The following PTPRT variants were observed in gnomAD, a reference collection of about 807,000 sequenced individuals.
PTPRT encodes the protein receptor-type tyrosine-protein phosphatase T.
PTPRT carries 56 observed loss-of-function variants against 176.8 expected under a neutral mutation model. That is an observed-to-expected ratio of 0.32 (90% CI 0.26 to 0.40). PTPRT has a LOEUF of 0.40. Among genes scored for constraint, PTPRT ranks in the 10% least tolerant of loss-of-function variants. PTPRT has a pLI of 1.00. For synonymous variants in PTPRT, 783 were observed against 739.0 expected, an observed-to-expected ratio of 1.06 and a Z score of -0.96; for missense variants, 1,540 against 1,908.2, an observed-to-expected ratio of 0.81 and a Z score of 3.60.
intron 13 of PTPRT, among the ~76,000 whole-genome samples, chr20:42,259,250 G>A (rs527251770): frequency 1.3e-5 from 2 of 152,142 alleles, no homozygotes; most frequent in Non-Finnish European, 2.9e-5. Context: ...CAGGAAAGAC[G>A]GCTAAATGAG....
chr20:42,598,933 A>G (rs2073725844), intron 7 of PTPRT, among the ~76,000 whole-genome samples: 2 of 152,322 alleles, frequency 1.3e-5, no homozygotes, highest in African/African-American at 2.4e-5. Context: ...AAATAAACGA[A>G]TGAAGAAGAT....
At chr20:43,050,233 G>C (rs1304216603) in intron 1 of PTPRT, among the ~76,000 whole-genome samples, 1 of 152,248 alleles carries the variant, frequency 6.6e-6, no homozygotes, top group Admixed American at 6.5e-5. Context: ...AGAGACAAGA[G>C]CATGGGCACT....
chr20:42,171,814 G>A (rs1391020559), intron 16 of PTPRT, among the ~76,000 whole-genome samples: 5 of 152,078 alleles, frequency 3.3e-5, no homozygotes, highest in African/African-American at 1.2e-4. Flanking sequence ...AAACTACACT[G>A]TCCTGACAAG....
At chr20:42,831,646 T>C (rs1265060639) in intron 2 of PTPRT, among the ~76,000 whole-genome samples, 1 of 152,160 alleles carries the variant, frequency 6.6e-6, no homozygotes, top group Non-Finnish European at 1.5e-5. Context: ...AACAGTATAA[T>C]ATCCAGCATC....
At chr20:42,950,803 A>C (rs1340276886) in intron 1 of PTPRT, among the ~76,000 whole-genome samples, 2 of 152,212 alleles carry the variant, frequency 1.3e-5, no homozygotes, top group African/African-American at 4.8e-5. Context: ...CAGGCAAGGA[A>C]ACAGAGTTTG....
At chr20:42,482,953 T>C (rs1388678052) in intron 7 of PTPRT, among the ~76,000 whole-genome samples, 1 of 152,124 alleles carries the variant, frequency 6.6e-6, no homozygotes, top group Non-Finnish European at 1.5e-5. Flanking sequence ...GCCAAACACA[T>C]GAGCTAACCA....
intron 12 of PTPRT, 31 bp downstream of exon 12, chr20:42,315,692 C>T (rs767409456): frequency 1.3e-6 from 2 of 1,599,692 alleles, no homozygotes; most frequent in Non-Finnish European, 8.6e-7. Context: ...GCAAACAAGG[C>T]AAGGAATGGC....
chr20:42,981,581 T>C (rs1318578191), intron 1 of PTPRT, among the ~76,000 whole-genome samples: 1 of 152,226 alleles, frequency 6.6e-6, no homozygotes, highest in South Asian at 2.1e-4. Flanking sequence ...GCCTGCTGGA[T>C]GGGAACCCAC....
intron 6 of PTPRT, among the ~76,000 whole-genome samples, chr20:42,720,056 C>G (rs1004954357): frequency 6.6e-6 from 1 of 152,182 alleles, no homozygotes; most frequent in Non-Finnish European, 1.5e-5. Context: ...ATTTAACTCA[C>G]TTACTCATCA....
chr20:42,054,261 C>T, the PTPRT span, among the ~76,000 whole-genome samples: 1 of 152,186 alleles, frequency 6.6e-6, no homozygotes, highest in East Asian at 1.9e-4. Context: ...GTGTTCTCCA[C>T]TCACTGGGGT....
intron 27 of PTPRT, among the ~76,000 whole-genome samples, chr20:42,094,623 C>T (rs1422003983): frequency 6.6e-6 from 1 of 152,036 alleles, no homozygotes; most frequent in Non-Finnish European, 1.5e-5. Flanking sequence ...GGTGCAGTGG[C>T]TCATGCCTAT....
chr20:42,671,261 G>A (rs191481361), intron 7 of PTPRT, among the ~76,000 whole-genome samples: 2 of 152,158 alleles, frequency 1.3e-5, no homozygotes, highest in African/African-American at 4.8e-5. Flanking sequence ...TCCATCCAGA[G>A]CTGTACGATA....
rs149614678 is a variant in PTPRT, at chr20:43,147,097, T to C, written c.88+42549A>G. Among the ~76,000 whole-genome samples, 5 of 152,248 alleles carry C rather than the reference T, an allele frequency of 3.3e-5. No homozygotes were observed. The East Asian group carries it at 9.7e-4, about 29-fold the overall frequency. On this transcript the variant is annotated intron_variant, in intron 1 of 30. Transcript: ENST00000373187. ...GGACCTCAGCCAAGCATGTTCTACC[T>C]CATGTCTTCTCTCCAGGTACCTCTG...
chr20:42,039,614 A>G, the PTPRT span, among the ~76,000 whole-genome samples: 3 of 150,278 alleles, frequency 2.0e-5, no homozygotes, highest in African/African-American at 7.3e-5. Context: ...TACTTAACAT[A>G]ATGTCCTTCA....
intron 7 of PTPRT, among the ~76,000 whole-genome samples, chr20:42,634,755 C>T (rs959862542): frequency 6.6e-6 from 1 of 152,062 alleles, no homozygotes; most frequent in Non-Finnish European, 1.5e-5. Flanking sequence ...GATGAGTTTG[C>T]TTCAAAATGT....
intron 6 of PTPRT, among the ~76,000 whole-genome samples, chr20:42,744,752 T>C (rs2076667217): frequency 6.6e-6 from 1 of 152,222 alleles, no homozygotes. Flanking sequence ...TCCCCTCACC[T>C]TGAAATTGTC....
At chr20:42,770,750 G>A (rs564166739) in intron 5 of PTPRT, among the ~76,000 whole-genome samples, 2 of 152,282 alleles carry the variant, frequency 1.3e-5, no homozygotes, top group South Asian at 4.1e-4. Context: ...AAGAACCTAA[G>A]CTATTCCATT....
chr20:42,648,799 A>AT (rs957007987), intron 7 of PTPRT, among the ~76,000 whole-genome samples: 86 of 117,876 alleles, frequency 7.3e-4, no homozygotes, highest in East Asian at 1.2e-3. Flanking sequence ...AGGAAAGGGG[A>AT]TTTTTTTTTT....
At chr20:42,673,537 T>C (rs2075447872) in intron 7 of PTPRT, among the ~76,000 whole-genome samples, 1 of 152,126 alleles carries the variant, frequency 6.6e-6, no homozygotes, top group South Asian at 2.1e-4. Context: ...TTACTTTTTA[T>C]AGTTCTGAGG....
Sources: allele counts gnomAD v4.1 joint callset (sites outside exome capture counted in the v4.1 genomes callset), GRCh38; gene constraint gnomAD v4.1.1; transcripts MANE v1.5; gene names NCBI Gene and HGNC (gene_info 2026-07-23, HGNC 2026-07-21).